The following PAPPA2 variants were observed in gnomAD, a reference collection of about 807,000 sequenced individuals.
PAPPA2 encodes pappalysin 2, also known as pappalysin-2.
PAPPA2 carries 86 observed loss-of-function variants against 176.4 expected under a neutral mutation model. The observed-to-expected ratio is 0.49, with a 90% CI of 0.41 to 0.58. The LOEUF (loss-of-function observed/expected upper bound fraction) is 0.58, where lower values mean the gene tolerates loss of function less well. Ranked by LOEUF, PAPPA2 falls within the 20% of genes least tolerant of loss-of-function variation. PAPPA2 has a pLI of 0.00. For synonymous variants in PAPPA2, 809 were observed against 852.2 expected, an observed-to-expected ratio of 0.95 and a Z score of 0.88; for missense variants, 2,073 against 2,256.9, an observed-to-expected ratio of 0.92 and a Z score of 1.65.
At chr1:176,680,643 A>G (rs1659540490) in intron 4 of PAPPA2, among the ~76,000 whole-genome samples, 1 of 152,224 alleles carries the variant, frequency 6.6e-6, no homozygotes, top group Admixed American at 6.5e-5. Flanking sequence ...ATAAAGCGTT[A>G]AAAATCGCTT....
chr1:176,764,632 T>C (rs770710776), intron 14 of PAPPA2, among the ~76,000 whole-genome samples: 51 of 151,106 alleles, frequency 3.4e-4, no homozygotes, highest in Non-Finnish European at 4.7e-4. Context: ...AGTCTCGCTC[T>C]GTCGCTCAGG....
intron 4 of PAPPA2, among the ~76,000 whole-genome samples, chr1:176,675,908 G>T (rs1659262654): frequency 6.6e-6 from 1 of 152,018 alleles, no homozygotes; most frequent in South Asian, 2.1e-4. Context: ...ATTTCAGTTA[G>T]AAATAGGCAA....
Position 176,710,155 on chromosome 1 carries a change from A to G in PAPPA2, c.3630A>G (p.Val1210=). 3.7e-6 allele frequency: 6 copies of G among 1,613,536 alleles called. No homozygotes were observed. Among genetic ancestry groups the G allele is most frequent in the Non-Finnish European group, 5.1e-6 (6 of 1,179,664 alleles). ...AGAAGAAGTGTCCTGTTTCCTTGGTAACTGGAGAACCTCATTCCCTAGTAA... is the reference window on the plus strand; with the variant it reads ...AGAAGAAGTGTCCTGTTTCCTTGGTGACTGGAGAACCTCATTCCCTAGTAA... ...EDKKKCPVSL[V]TGEPHSLICT... The change falls in exon 11 of 23, where the codon GTA becomes GTG. Residue 1210 remains valine (V), a synonymous_variant. Coordinates refer to ENST00000367662, the MANE Select transcript of PAPPA2 (RefSeq NM_020318.3).
Position 176,561,800 on chromosome 1 carries a change from A to G in PAPPA2, c.919+4559A>G, listed in dbSNP as rs183554975. ...CTGTTCTCAAGCTGCTGATAAAGAC[A>G]TACCTGAGACTGGGTAATTTATAAA... On this transcript the variant is annotated intron_variant, in intron 2 of 22. Transcript: ENST00000367662. 7.9e-5 allele frequency among the ~76,000 whole-genome samples: 12 copies of G among 152,322 alleles called. 1 individual carries two copies. Among genetic ancestry groups the G allele is most frequent in the Admixed American group, 7.2e-4 (11 of 15,304 alleles).
At chr1:176,623,575 C>CTTT (rs1558478857) in intron 3 of PAPPA2, among the ~76,000 whole-genome samples, 3 of 75,216 alleles carry the variant, frequency 4.0e-5, no homozygotes, top group African/African-American at 1.0e-4. Flanking sequence ...TCCTTCCTTC[C>CTTT]CTCCTTCCTT....
intron 1 of PAPPA2, among the ~76,000 whole-genome samples, chr1:176,542,519 A>C (rs6674259): frequency 6.6e-6 from 1 of 152,182 alleles, no homozygotes; most frequent in African/African-American, 2.4e-5. Flanking sequence ...CCACACAGGC[A>C]ATAGGGGCAG....
In PAPPA2 at chr1:176,569,301, C is replaced by G. The variant is rs556804889; in HGVS notation, c.919+12060C>G. Among the ~76,000 whole-genome samples, 4 of 152,312 alleles carry G rather than the reference C, an allele frequency of 2.6e-5. No individual in the cohort carries two copies. In the South Asian group the frequency reaches 8.3e-4, roughly 32 times the overall value. Reference sequence around the variant, plus strand: ...ATACAGCACTCTCCCTGGCCTCTAGCCCCTGATGTCTGTCCTTTGTAATTT... The same window carrying G: ...ATACAGCACTCTCCCTGGCCTCTAGGCCCTGATGTCTGTCCTTTGTAATTT... On this transcript the variant is annotated intron_variant, in intron 2 of 22. Coordinates refer to ENST00000367662, the MANE Select transcript of PAPPA2 (RefSeq NM_020318.3).
intron 2 of PAPPA2, among the ~76,000 whole-genome samples, chr1:176,581,043 A>G (rs1454904971): frequency 2.6e-5 from 4 of 152,156 alleles, no homozygotes; most frequent in Admixed American, 1.3e-4. Context: ...TTCCCAAACC[A>G]ACATCCTGAA....
intron 14 of PAPPA2, among the ~76,000 whole-genome samples, chr1:176,751,218 G>A (rs1470405575): frequency 1.3e-5 from 2 of 151,918 alleles, no homozygotes; most frequent in Non-Finnish European, 2.9e-5. Flanking sequence ...TTTGGTACCA[G>A]TACCATGCTG....
chr1:176,603,783 T>G (rs1654460268), intron 3 of PAPPA2, among the ~76,000 whole-genome samples: 1 of 152,196 alleles, frequency 6.6e-6, no homozygotes, highest in Non-Finnish European at 1.5e-5. Context: ...ATTGCAATAG[T>G]CTTTTAACTG....
chr1:176,681,604 A>G lies in PAPPA2; in HGVS notation c.2138-8533A>G, dbSNP rs183837088. Among the ~76,000 whole-genome samples the G allele has an allele frequency of 1.6e-3, 244 of 152,292 alleles. 2 individuals carry two copies. Among genetic ancestry groups the G allele is most frequent in the Admixed American group, 3.5e-3 (53 of 15,292 alleles). On this transcript the variant is annotated intron_variant, in intron 4 of 22. Coordinates refer to ENST00000367662, the MANE Select transcript of PAPPA2 (RefSeq NM_020318.3). ...ATGTCCGGCATACAGCAAGAGTTCAATAAATATGAGCTTTTGTACCAGTAG... is the reference window on the plus strand; with the variant it reads ...ATGTCCGGCATACAGCAAGAGTTCAGTAAATATGAGCTTTTGTACCAGTAG...
chr1:176,789,787 T>C lies in PAPPA2; in HGVS notation c.4716-22T>C, dbSNP rs769851967. 2.5e-6 allele frequency: 4 copies of C among 1,600,010 alleles called. No individual in the cohort carries two copies. The African/African-American group carries it at 4.0e-5, about 16-fold the overall frequency. ...CTTCTTGAAAGATTCTGATGAGCTA[T>C]TTTTGTTTTATGTTTTATCAGCAAG... On this transcript the variant is annotated intron_variant, in intron 17 of 22. Transcript: ENST00000367662.
At chr1:176,726,372 G>T (rs920029103) in intron 12 of PAPPA2, among the ~76,000 whole-genome samples, 1 of 152,074 alleles carries the variant, frequency 6.6e-6, no homozygotes, top group African/African-American at 2.4e-5. Flanking sequence ...AAGGATCTCG[G>T]GACAGAGGCC....
chr1:176,765,456 A>G (rs375846900), intron 14 of PAPPA2, among the ~76,000 whole-genome samples: 8 of 152,338 alleles, frequency 5.3e-5, no homozygotes, highest in Admixed American at 2.0e-4. Flanking sequence ...TAGAAAGTCA[A>G]CTAACTGTTA....
chr1:176,509,672 T>A (rs1648471104), intron 1 of PAPPA2, among the ~76,000 whole-genome samples: 1 of 151,790 alleles, frequency 6.6e-6, no homozygotes, highest in Non-Finnish European at 1.5e-5. Context: ...TTAATTAGAG[T>A]TTCAGAAGAA....
At chr1:176,563,787 C>T (rs1651801367) in intron 2 of PAPPA2, among the ~76,000 whole-genome samples, 1 of 152,164 alleles carries the variant, frequency 6.6e-6, no homozygotes, top group African/African-American at 2.4e-5. Context: ...GGACCAAGGA[C>T]CCCAGGCGCT....
intron 2 of PAPPA2, among the ~76,000 whole-genome samples, chr1:176,582,546 A>G (rs979838991): frequency 5.9e-5 from 9 of 152,158 alleles, no homozygotes; most frequent in African/African-American, 1.9e-4. Flanking sequence ...TGCTTTTTCC[A>G]TAATATATTC....
In PAPPA2 at chr1:176,595,322, A is replaced by G. The variant is rs1411218926; in HGVS notation, c.1718A>G (p.His573Arg). The G allele has an allele frequency of 1.9e-6, 3 of 1,614,166 alleles. No homozygotes were observed. The highest frequency in any genetic ancestry group is 1.7e-5 in the Admixed American group (1 of 60,022). Residue 573 changes from histidine (H) to arginine (R), a missense_variant, in exon 3 of 23, where the codon CAC becomes CGC. Transcript: ENST00000367662. ...ISWQLSVHQV[H>R]NSTLRHRVVL... Reference sequence around the variant, plus strand: ...TGGCAGCTGAGCGTCCACCAGGTCCACAATTCCACCCTGCGACACCGGGTT... The same window carrying G: ...TGGCAGCTGAGCGTCCACCAGGTCCGCAATTCCACCCTGCGACACCGGGTT...
chr1:176,649,877 G>T (rs1657617071), intron 3 of PAPPA2, among the ~76,000 whole-genome samples: 1 of 151,584 alleles, frequency 6.6e-6, no homozygotes, highest in Non-Finnish European at 1.5e-5. Context: ...TTCTGTAGCT[G>T]TTGGGTAAAA....
Sources: allele counts gnomAD v4.1 joint callset (sites outside exome capture counted in the v4.1 genomes callset), GRCh38; gene constraint gnomAD v4.1.1; transcripts MANE v1.5; gene names NCBI Gene and HGNC (gene_info 2026-07-23, HGNC 2026-07-21).